Variants in CSMD1 observed in about 807,000 individuals in gnomAD.
CSMD1 encodes the protein CUB and sushi domain-containing protein 1.
CSMD1 carries 213 observed loss-of-function variants against 417.5 expected under a neutral mutation model. The ratio of observed to expected loss-of-function variants is 0.51; its 90% CI spans 0.46 to 0.57. CSMD1 has a LOEUF of 0.57. Ranked by LOEUF, CSMD1 falls within the 20% of genes least tolerant of loss-of-function variation. The pLI, the probability that CSMD1 is intolerant of heterozygous loss-of-function variation, is 0.00. For missense variants in CSMD1, 6,923 were observed against 4,529.7 expected (o/e 1.53, Z -15.17); for synonymous variants, 2,862 against 1,736.8 (o/e 1.65, Z -16.11).
chr8:4,914,237 T>C (rs1805899103), intron 1 of CSMD1, among the ~76,000 whole-genome samples: 1 of 152,128 alleles, frequency 6.6e-6, no homozygotes, highest in Non-Finnish European at 1.5e-5. Context: ...GCTATGGAAT[T>C]ATGCAAGTGA....
chr8:4,587,719 A>C (rs912142738), intron 2 of CSMD1, among the ~76,000 whole-genome samples: 1 of 152,160 alleles, frequency 6.6e-6, no homozygotes, highest in Non-Finnish European at 1.5e-5. Flanking sequence ...CACTTATGAC[A>C]CTCTTCATAA....
chr8:4,052,357 C>T (rs1019043051), intron 3 of CSMD1, among the ~76,000 whole-genome samples: 4 of 152,162 alleles, frequency 2.6e-5, no homozygotes, highest in African/African-American at 7.2e-5. Flanking sequence ...ATAACACTCA[C>T]GTGTATGCTA....
At chr8:4,395,056 G>A (rs572191880) in intron 3 of CSMD1, among the ~76,000 whole-genome samples, 2 of 152,124 alleles carry the variant, frequency 1.3e-5, no homozygotes, top group Non-Finnish European at 2.9e-5. Context: ...TCCCGTGCTG[G>A]ACAGCTCCAG....
chr8:4,603,002 T>C (rs758164694), intron 2 of CSMD1, among the ~76,000 whole-genome samples: 14 of 152,002 alleles, frequency 9.2e-5, no homozygotes, highest in African/African-American at 1.7e-4. Context: ...GACTGAACTA[T>C]TTTTAATAAT....
rs1421954074 is a variant in CSMD1, at chr8:4,142,738, G to A, written c.416-110639C>T. 2.6e-5 allele frequency among the ~76,000 whole-genome samples: 4 copies of A among 151,062 alleles called. 1 individual carries two copies. Among genetic ancestry groups the A allele is most frequent in the African/African-American group, 7.4e-5 (3 of 40,392 alleles). ...AGAGGCCAGACCTGACACAACGTGA[G>A]ATTACATTGAACTTGCCAATCACTT... is the stretch of plus-strand genomic sequence containing the variant. On this transcript the variant is annotated intron_variant, in intron 3 of 69. Transcript: ENST00000635120.
chr8:3,109,067 C>A (rs373484716), intron 43 of CSMD1, among the ~76,000 whole-genome samples: 13 of 152,234 alleles, frequency 8.5e-5, no homozygotes, highest in Admixed American at 7.8e-4. Context: ...GAGTTTGAGA[C>A]CAGCCTGGCC....
Position 3,380,800 on chromosome 8 carries a change from T to C in CSMD1, c.2782+6694A>G, listed in dbSNP as rs112314888. Reference sequence around the variant, plus strand: ...AGAAATACCTAATGTAGATGATGGGTTGTTGGGTGCAGCAAAACACCATGG... The same window carrying C: ...AGAAATACCTAATGTAGATGATGGGCTGTTGGGTGCAGCAAAACACCATGG... On this transcript the variant is annotated intron_variant, in intron 18 of 69. Coordinates refer to ENST00000635120, the MANE Select transcript of CSMD1 (RefSeq NM_033225.6). Among the ~76,000 whole-genome samples, 1,385 of 152,008 alleles carry C rather than the reference T, an allele frequency of 9.1e-3. 33 individuals are homozygous for C. Among genetic ancestry groups the C allele is most frequent in the African/African-American group, 0.032 (1,318 of 41,452 alleles).
chr8:4,139,994 G>A (rs200852645), intron 3 of CSMD1, among the ~76,000 whole-genome samples: 45,159 of 150,614 alleles, frequency 0.3, 8,398 homozygotes, highest in Non-Finnish European at 0.39. Context: ...GTTGCAGGTA[G>A]GAGGTAAATA....
In CSMD1 at chr8:3,882,977, C is replaced by T. The variant is rs114913707; in HGVS notation, c.818+114926G>A. Among the ~76,000 whole-genome samples, 1,102 of 152,242 alleles carry T rather than the reference C, an allele frequency of 7.2e-3. 14 individuals carry two copies. The highest frequency in any genetic ancestry group is 0.025 in the African/African-American group (1,047 of 41,550). On this transcript the variant is annotated intron_variant, in intron 5 of 69. Coordinates refer to ENST00000635120, the MANE Select transcript of CSMD1 (RefSeq NM_033225.6). ...AACTCTCTGCGAAAGTTTGTTGACT[C>T]TCAATAGCTGATATGTGCACACTTC...
chr8:3,141,239 G>A (rs1315533156), intron 41 of CSMD1, among the ~76,000 whole-genome samples: 5 of 152,134 alleles, frequency 3.3e-5, no homozygotes, highest in Admixed American at 6.5e-5. Context: ...ATCATCCCCT[G>A]TGCGTCTGTG....
intron 49 of CSMD1, among the ~76,000 whole-genome samples, chr8:3,054,073 G>C (rs1216362897): frequency 6.6e-6 from 1 of 152,202 alleles, no homozygotes; most frequent in Non-Finnish European, 1.5e-5. Flanking sequence ...TCTGGCCAGA[G>C]AGCAAATCTT....
intron 26 of CSMD1, among the ~76,000 whole-genome samples, chr8:3,242,260 G>C (rs961614868): frequency 6.6e-6 from 1 of 151,660 alleles, no homozygotes; most frequent in African/African-American, 2.4e-5. Flanking sequence ...AACGGAGGCT[G>C]AGGAAGATTT....
intron 5 of CSMD1, among the ~76,000 whole-genome samples, chr8:3,800,606 G>A (rs566287213): frequency 1.9e-4 from 29 of 152,276 alleles, no homozygotes; most frequent in African/African-American, 7.0e-4. Context: ...TCTCCAATGT[G>A]TCAGTGTTGG....
chr8:4,460,414 C>T (rs1419790026), intron 2 of CSMD1, among the ~76,000 whole-genome samples: 2 of 152,084 alleles, frequency 1.3e-5, no homozygotes, highest in East Asian at 1.9e-4. Context: ...TCACCTTCCA[C>T]CTCACTGTCC....
chr8:4,256,977 A>G (rs1803505525), intron 3 of CSMD1, among the ~76,000 whole-genome samples: 1 of 152,174 alleles, frequency 6.6e-6, no homozygotes, highest in African/African-American at 2.4e-5. Context: ...GGAGGTATTC[A>G]ATCTGGAAGA....
chr8:4,667,485 A>G (rs1230933134), intron 1 of CSMD1, among the ~76,000 whole-genome samples: 3 of 152,168 alleles, frequency 2.0e-5, no homozygotes, highest in Non-Finnish European at 4.4e-5. Flanking sequence ...AAGTACTCCA[A>G]TTCATGAACA....
chr8:3,556,626 T>C (rs952534884), intron 10 of CSMD1, among the ~76,000 whole-genome samples: 81 of 151,718 alleles, frequency 5.3e-4, no homozygotes, highest in African/African-American at 1.9e-3. Context: ...AAAAACATTG[T>C]CGTGGGGGCT....
At chr8:4,165,338 G>T (rs879272729) in intron 3 of CSMD1, among the ~76,000 whole-genome samples, 1 of 152,192 alleles carries the variant, frequency 6.6e-6, no homozygotes, top group Admixed American at 6.5e-5. Context: ...GCAAACACGT[G>T]GTGTCCCACA....
intron 15 of CSMD1, among the ~76,000 whole-genome samples, chr8:3,402,968 C>T (rs1386768752): frequency 6.6e-6 from 1 of 152,034 alleles, no homozygotes; most frequent in African/African-American, 2.4e-5. Context: ...ATAGAAAGTA[C>T]TGTTCTAATG....
Sources: allele counts gnomAD v4.1 joint callset (sites outside exome capture counted in the v4.1 genomes callset), GRCh38; gene constraint gnomAD v4.1.1; transcripts MANE v1.5; gene names NCBI Gene and HGNC (gene_info 2026-07-23, HGNC 2026-07-21).